GAREM2: variants seen among roughly 807,000 people sequenced by gnomAD.
GAREM2 encodes GRB2-associated and regulator of MAPK protein 2.
Under a neutral mutation model 55.6 loss-of-function variants are expected in GAREM2, and 30 were observed. The observed-to-expected ratio is 0.54, with a 90% CI of 0.40 to 0.73. The LOEUF (loss-of-function observed/expected upper bound fraction) is 0.73. Among genes scored for constraint, GAREM2 ranks in the 30% least tolerant of loss-of-function variants. The pLI, the probability that GAREM2 is intolerant of heterozygous loss-of-function variation, is 0.00. For missense variants in GAREM2, 1,075 were observed against 1,257.7 expected (o/e 0.85, Z 2.20); for synonymous variants, 550 against 569.1 (o/e 0.97, Z 0.48).
chr2:26,186,133 G>T, intron 4 of GAREM2, 56 bp from the exon 5 acceptor site: 1 of 1,437,150 alleles, frequency 7.0e-7, no homozygotes, highest in Non-Finnish European at 9.2e-7. Context: ...GGAAGGGGAA[G>T]ATAAGGAGTG....
Position 26,184,598 on chromosome 2 carries a change from C to T in GAREM2, c.750C>T (p.Gly250=), listed in dbSNP as rs1030094532. 160 of 1,548,354 alleles carry T rather than the reference C, an allele frequency of 1.0e-4. No homozygotes were observed. The highest frequency in any genetic ancestry group is 1.3e-4 in the Non-Finnish European group (152 of 1,146,182). ...CGCTGGAGCTGCAGATGCAAGAGGG[C>T]GAGCACACGGTGCGCGCCATCATCG... The part of the protein sequence containing the change: ...RSPLELQMQE[G]EHTVRAIIER... The change falls in exon 4 of 6, where the codon GGC becomes GGT. Residue 250 remains glycine (G), a synonymous_variant. Transcript: ENST00000401533.
intron 4 of GAREM2, 45 bp from the exon 5 acceptor site, chr2:26,186,144 C>T (rs917143931): frequency 6.2e-6 from 9 of 1,454,500 alleles, no homozygotes; most frequent in Admixed American, 2.6e-5. Flanking sequence ...ATAAGGAGTG[C>T]CAGCTGTTTG....
chr2:26,173,235 GGCCGGGCTGGC>G lies in GAREM2; in HGVS notation c.16_26del (p.Ala6ArgfsTer37). On this transcript the variant is annotated frameshift_variant, in exon 1 of 6. Coordinates refer to ENST00000401533, the MANE Select transcript of GAREM2 (RefSeq NM_001168241.2). LOFTEE classifies it high-confidence loss of function. ...GCGCCCATGCCATGGAGAAGCTGGC[GGCCGGGCTGGC>G]CGGCCTGCGCTGGAGCATGGGCGCC... The G allele has an allele frequency of 7.5e-7, 1 of 1,326,274 alleles. No homozygotes were observed. The highest frequency in any genetic ancestry group is 9.7e-7 in the Non-Finnish European group (1 of 1,035,744). The allele number at this position is 1,326,274 out of a possible 1,614,324, so 82.2% of individuals were successfully genotyped here.
downstream of GAREM2, among the ~76,000 whole-genome samples, chr2:26,194,072 G>A (rs1456312432): frequency 2.0e-5 from 3 of 152,152 alleles, no homozygotes; most frequent in African/African-American, 2.4e-5. Flanking sequence ...CATGACAGAC[G>A]GCTGAGTGTG....
chr2:26,185,111 C>T lies in GAREM2; in HGVS notation c.1263C>T (p.Ala421=). ...ACTGGGCAGCCGCGCCCGAGCCCGC[C>T]GCGCCGCCCGCCGAGATCCCCTACG... The part of the protein sequence containing the change: ...SPDWAAAPEP[A]APPAEIPYEE... The change falls in exon 4 of 6, where the codon GCC becomes GCT. Residue 421 remains alanine, a synonymous_variant. Coordinates refer to ENST00000401533, the MANE Select transcript of GAREM2 (RefSeq NM_001168241.2). 2.1e-6 allele frequency: 3 copies of T among 1,445,980 alleles called. No homozygotes were observed. Among genetic ancestry groups the T allele is most frequent in the Non-Finnish European group, 2.7e-6 (3 of 1,107,698 alleles). The allele number at this position is 1,445,980 out of a possible 1,614,324, so 89.6% of individuals were successfully genotyped here. A position where few individuals can be genotyped will look rare whatever the true frequency, so the allele number is the denominator to read the frequency against.
chr2:26,176,517 T>C (rs1443702710), intron 2 of GAREM2, 33 bp downstream of exon 2: 3 of 1,472,558 alleles, frequency 2.0e-6, no homozygotes, highest in African/African-American at 2.8e-5. Context: ...TCATAAAGCC[T>C]GTAGGGGGGT....
the GAREM2 span, among the ~76,000 whole-genome samples, chr2:26,198,085 A>G: frequency 1.3e-5 from 2 of 152,148 alleles, no homozygotes; most frequent in African/African-American, 4.8e-5. Flanking sequence ...CAACACTGAA[A>G]AGACGGCCTT....
Position 26,189,207 on chromosome 2 carries a change from A to T in GAREM2, c.*950A>T. 6.6e-6 allele frequency: 1 copy of T among 152,272 alleles called. No individual in the cohort carries two copies. Among genetic ancestry groups the T allele is most frequent in the Middle Eastern group, 3.2e-3 (1 of 316 alleles). 9.4% of individuals were successfully genotyped at this position (152,272 alleles called of 1,614,324 possible). ...TTCCCTGGTTTTCTGTCACTGGCAC[A>T]GGAGGGTACAGTTGGGAGAGTGCGT... On this transcript the variant is annotated 3_prime_UTR_variant, in exon 6 of 6. Coordinates refer to ENST00000401533, the MANE Select transcript of GAREM2 (RefSeq NM_001168241.2).
chr2:26,193,460 A>C (rs946692513), downstream of GAREM2: 1 of 885,214 alleles, frequency 1.1e-6, no homozygotes, highest in Non-Finnish European at 1.9e-6. Context: ...GCCAGTGATA[A>C]GGGCTCTGTG....
chr2:26,194,949 C>T, the GAREM2 span: 58 of 806,700 alleles, frequency 7.2e-5, no homozygotes, highest in East Asian at 3.2e-4. Context: ...TCAATACCAC[C>T]GTCCATCCTG....
chr2:26,201,667 AAG>A, the GAREM2 span, among the ~76,000 whole-genome samples: 6 of 152,366 alleles, frequency 3.9e-5, 1 homozygote, highest in Admixed American at 3.9e-4. Flanking sequence ...GGCAAAACAA[AAG>A]AGGAGTTCTG....
chr2:26,182,006 C>G (rs1261034359), intron 2 of GAREM2: 13 of 991,874 alleles, frequency 1.3e-5, no homozygotes, highest in Non-Finnish European at 1.6e-5. Flanking sequence ...TAAAGAGTCA[C>G]CTTGTCTTCT....
the GAREM2 span, chr2:26,197,683 G>T: frequency 5.5e-6 from 7 of 1,279,520 alleles, no homozygotes; most frequent in Non-Finnish European, 8.0e-6. Context: ...TCTCTGTTCC[G>T]AGTTTACCTT....
downstream of GAREM2, chr2:26,190,745 C>T (rs1574599535): frequency 4.9e-6 from 1 of 202,874 alleles, no homozygotes; most frequent in East Asian, 1.2e-4. Context: ...CCCACTTTCT[C>T]TCATCCCAGT....
At chr2:26,201,606 C>CTT in the GAREM2 span, among the ~76,000 whole-genome samples, 1 of 152,154 alleles carries the variant, frequency 6.6e-6, no homozygotes, top group Non-Finnish European at 1.5e-5. Flanking sequence ...CTAAATCACT[C>CTT]TTAAACCAGT....
chr2:26,193,856 G>A, downstream of GAREM2: 1 of 1,082,900 alleles, frequency 9.2e-7, no homozygotes, highest in Middle Eastern at 2.0e-4. Context: ...TCCAAACACT[G>A]CCTTGTGTAA....
chr2:26,190,932 C>CCCCTGGCCA, downstream of GAREM2: 1 of 492,416 alleles, frequency 2.0e-6, no homozygotes, highest in Non-Finnish European at 3.7e-6. Flanking sequence ...GCCCTCACCA[C>CCCCTGGCCA]CCCTGGCCAC....
Position 26,176,481 on chromosome 2 carries a change from C to A in GAREM2, c.250C>A (p.Pro84Thr), listed in dbSNP as rs528463260. 2 of 1,542,562 alleles carry A rather than the reference C, an allele frequency of 1.3e-6. No individual in the cohort carries two copies. Among genetic ancestry groups the A allele is most frequent in the African/African-American group, 2.7e-5 (2 of 72,944 alleles). Residue 84 changes from proline to threonine, a missense_variant, in exon 2 of 6, where the codon CCA becomes ACA. By Grantham distance (38) the Pro-to-Thr change is conservative. This residue lies in a region of GAREM2 where 230 missense variants were observed against 310.6 expected (regional missense o/e 0.74). Transcript: ENST00000401533. ...CAAGATCGACATCCCCCTGCAGTAC[C>A]CAGGTGTGTCCAGCCAGGACAGATG... The part of the protein sequence containing the change: ...GPKIDIPLQY[P>T]GKFKLLEQAR...
chr2:26,187,894 C>A lies in GAREM2; in HGVS notation c.2262C>A (p.Pro754=). The change falls in exon 6 of 6, where the codon CCC becomes CCA. Residue 754 remains proline (P), a synonymous_variant. Coordinates refer to ENST00000401533, the MANE Select transcript of GAREM2 (RefSeq NM_001168241.2). The stretch of plus-strand genomic sequence containing the variant: ...AAGGTTTGGTGCTGCACCAGGTCCC[C>A]ACCCCACTGTCACCAGCTGCTCTGC... ...EPEGLVLHQV[P]TPLSPAALQG... 3 of 1,438,244 alleles carry A rather than the reference C, an allele frequency of 2.1e-6. No homozygotes were observed. Among genetic ancestry groups the A allele is most frequent in the Non-Finnish European group, 2.8e-6 (3 of 1,090,892 alleles). The allele number at this position is 1,438,244 out of a possible 1,614,324, so 89.1% of individuals were successfully genotyped here. A position where few individuals can be genotyped will look rare whatever the true frequency, so the allele number is the denominator to read the frequency against.
Sources: allele counts gnomAD v4.1 joint callset (sites outside exome capture counted in the v4.1 genomes callset), GRCh38; gene constraint gnomAD v4.1.1; regional missense constraint gnomAD v4.1.1; transcripts MANE v1.5; gene names NCBI Gene and HGNC (gene_info 2026-07-23, HGNC 2026-07-21).